The following NCKAP5 variants were observed in gnomAD, a reference collection of about 807,000 sequenced individuals.
NCKAP5 encodes the protein NCK associated protein 5.
In NCKAP5, 92 loss-of-function variants were observed where a neutral mutation model predicts 167.0. That is an observed-to-expected ratio of 0.55 (90% CI 0.47 to 0.66). NCKAP5 has a LOEUF of 0.66. NCKAP5 is among the 30% of genes least tolerant of loss of function. The pLI is 0.00. For synonymous variants in NCKAP5, 891 were observed against 877.4 expected, an observed-to-expected ratio of 1.02 and a Z score of -0.27; for missense variants, 2,378 against 2,315.0, an observed-to-expected ratio of 1.03 and a Z score of -0.56.
intron 8 of NCKAP5, chr2:132,954,833 T>A (rs1372269192): frequency 5.3e-6 from 2 of 378,570 alleles, no homozygotes; most frequent in Non-Finnish European, 1.0e-5. Flanking sequence ...ACTTTTATAA[T>A]CAGAAAACTG....
the NCKAP5 span, among the ~76,000 whole-genome samples, chr2:133,644,488 T>G: frequency 6.6e-6 from 1 of 152,176 alleles, no homozygotes; most frequent in South Asian, 2.1e-4. Context: ...CAAACCTTTG[T>G]CCAGACAGTT....
At chr2:133,397,850 A>T (rs1205341545) in intron 3 of NCKAP5, among the ~76,000 whole-genome samples, 1 of 152,212 alleles carries the variant, frequency 6.6e-6, no homozygotes, top group Non-Finnish European at 1.5e-5. Flanking sequence ...TAAATCTGAT[A>T]TGTAATTCCC....
intron 5 of NCKAP5, among the ~76,000 whole-genome samples, chr2:133,155,111 C>T (rs1326015588): frequency 6.6e-6 from 1 of 152,210 alleles, no homozygotes; most frequent in Non-Finnish European, 1.5e-5. Flanking sequence ...CCCTTCTCTA[C>T]TCTCTCCCAC....
chr2:132,958,560 T>A (rs908153296), intron 8 of NCKAP5, among the ~76,000 whole-genome samples: 2 of 152,242 alleles, frequency 1.3e-5, no homozygotes, highest in African/African-American at 4.8e-5. Context: ...CCATGGCCTA[T>A]ATGGCTTAAC....
chr2:133,287,089 A>T (rs1679200332), intron 4 of NCKAP5, among the ~76,000 whole-genome samples: 1 of 152,228 alleles, frequency 6.6e-6, no homozygotes, highest in Non-Finnish European at 1.5e-5. Flanking sequence ...TAAGTATGAG[A>T]AATGCCCTTT....
Position 133,517,531 on chromosome 2 carries a change from G to C in NCKAP5, c.-5C>G. 6.6e-7 allele frequency: 1 copy of C among 1,518,568 alleles called. No homozygotes were observed. The highest frequency in any genetic ancestry group is 1.3e-5 in the South Asian group (1 of 79,112). The allele number at this position is 1,518,568 out of a possible 1,614,324, so 94.1% of individuals were successfully genotyped here. A position where few individuals can be genotyped will look rare whatever the true frequency, so the allele number is the denominator to read the frequency against. ...AAGCTGTCTCTTTCCCTCCATGGATGAAGTTATTTATTTTCTTTTGTGACT... is the reference window on the plus strand; with the variant it reads ...AAGCTGTCTCTTTCCCTCCATGGATCAAGTTATTTATTTTCTTTTGTGACT... On this transcript the variant is annotated 5_prime_UTR_variant, in exon 3 of 20. Transcript: ENST00000409261.
intron 11 of NCKAP5, among the ~76,000 whole-genome samples, chr2:132,813,597 T>A (rs567393600): frequency 6.6e-6 from 1 of 152,296 alleles, no homozygotes; most frequent in Non-Finnish European, 1.5e-5. Flanking sequence ...CCTGAAGACA[T>A]GCAGTGACTC....
intron 15 of NCKAP5, among the ~76,000 whole-genome samples, chr2:132,776,778 T>C (rs1187932839): frequency 2.0e-5 from 3 of 152,298 alleles, no homozygotes; most frequent in South Asian, 2.1e-4. Context: ...ATATTTTTCA[T>C]AGGATGAAAT....
At chr2:133,644,973 T>G in the NCKAP5 span, among the ~76,000 whole-genome samples, 1 of 152,210 alleles carries the variant, frequency 6.6e-6, no homozygotes. Flanking sequence ...CATAATTTAC[T>G]GTAGGCTAGC....
intron 5 of NCKAP5, among the ~76,000 whole-genome samples, chr2:133,177,164 C>CTATATATATATATATATATATATA (rs61395261): frequency 1.4e-4 from 20 of 138,620 alleles, no homozygotes; most frequent in African/African-American, 2.3e-4. Flanking sequence ...GTTTTGTTTT[C>CTATATATATATATATATATATATA]TATATATATA....
chr2:133,570,540 C>T (rs1688826780), upstream of NCKAP5, among the ~76,000 whole-genome samples: 1 of 152,140 alleles, frequency 6.6e-6, no homozygotes, highest in South Asian at 2.1e-4. Flanking sequence ...CAAGGACCCA[C>T]CCCTTTCCCC....
chr2:133,620,997 T>A, the NCKAP5 span, among the ~76,000 whole-genome samples: 1 of 152,114 alleles, frequency 6.6e-6, no homozygotes, highest in African/African-American at 2.4e-5. Context: ...TACATGGAAA[T>A]TAAGTAACCT....
At chr2:133,296,021 A>G (rs1679935735) in intron 4 of NCKAP5, among the ~76,000 whole-genome samples, 2 of 152,158 alleles carry the variant, frequency 1.3e-5, no homozygotes, top group African/African-American at 4.8e-5. Flanking sequence ...GACCAAACCA[A>G]CTGCCCTTAT....
intron 6 of NCKAP5, among the ~76,000 whole-genome samples, chr2:133,012,064 T>C (rs2078178470): frequency 1.3e-5 from 2 of 152,158 alleles, no homozygotes; most frequent in Admixed American, 1.3e-4. Flanking sequence ...CAAGTAAATT[T>C]ATCCTAATGG....
At chr2:133,137,451 T>TGTGTGTGTGTGTGTGTGTGTG (rs1559179692) in intron 5 of NCKAP5, among the ~76,000 whole-genome samples, 1 of 141,574 alleles carries the variant, frequency 7.1e-6, no homozygotes, top group Non-Finnish European at 1.5e-5. Flanking sequence ...TGTGTGTGTG[T>TGTGTGTGTGTGTGTGTGTGTG]TTTGGAAAAG....
intron 8 of NCKAP5, among the ~76,000 whole-genome samples, chr2:132,881,508 C>T (rs1323976571): frequency 1.3e-5 from 2 of 150,432 alleles, no homozygotes; most frequent in Non-Finnish European, 3.0e-5. Flanking sequence ...TTTTTATTTT[C>T]TTCTTCCCTT....
At chr2:132,762,614 G>A (rs571375022) in intron 16 of NCKAP5, among the ~76,000 whole-genome samples, 65 of 152,234 alleles carry the variant, frequency 4.3e-4, no homozygotes, top group African/African-American at 1.4e-3. Context: ...GTTAATTCAC[G>A]CCACCTCGTA....
chr2:133,176,743 A>G (rs2084477334), intron 5 of NCKAP5, among the ~76,000 whole-genome samples: 1 of 152,200 alleles, frequency 6.6e-6, no homozygotes, highest in Non-Finnish European at 1.5e-5. Context: ...TATGACAGTC[A>G]TGAGTGTATG....
chr2:133,558,703 G>GAAAAAAAAAAAAAAAA (rs1687926915), intron 2 of NCKAP5, among the ~76,000 whole-genome samples: 1 of 5,214 alleles, frequency 1.9e-4, no homozygotes, highest in African/African-American at 1.6e-3. Flanking sequence ...AATGTGCTGA[G>GAAAAAAAAAAAAAAAA]CAAAAAAAAA....
Sources: allele counts gnomAD v4.1 joint callset (sites outside exome capture counted in the v4.1 genomes callset), GRCh38; gene constraint gnomAD v4.1.1; transcripts MANE v1.5; gene names NCBI Gene and HGNC (gene_info 2026-07-23, HGNC 2026-07-21).